The following AFF1 variants were observed in gnomAD, a reference collection of about 807,000 sequenced individuals.
The protein encoded by AFF1 is ALF transcription elongation factor 1.
AFF1 carries 48 observed loss-of-function variants against 121.7 expected under a neutral mutation model. The ratio of observed to expected loss-of-function variants is 0.39; its 90% CI spans 0.31 to 0.50. The LOEUF is 0.50. AFF1 is among the 20% of genes least tolerant of loss of function. The probability of loss-of-function intolerance (pLI) is 0.76; values close to 1 mark genes in which losing one functional copy is unlikely to be tolerated. For missense variants in AFF1, 1,523 were observed against 1,511.7 expected (o/e 1.01, Z -0.12); for synonymous variants, 613 against 563.0 (o/e 1.09, Z -1.26).
At chr4:87,058,765 G>A (rs1037994154) in intron 4 of AFF1, among the ~76,000 whole-genome samples, 6 of 152,060 alleles carry the variant, frequency 3.9e-5, no homozygotes, top group African/African-American at 1.4e-4. Flanking sequence ...AAAAGCTCTG[G>A]AGACAGAAGT....
At chr4:86,949,930 A>G in intron 2 of AFF1, 5 of 1,614,062 alleles carry the variant, frequency 3.1e-6, no homozygotes, top group Non-Finnish European at 4.2e-6. Flanking sequence ...TCTTGGACCC[A>G]GCGGGCCGCA....
At chr4:87,107,176 A>AC (rs1176347792) in intron 10 of AFF1, among the ~76,000 whole-genome samples, 1 of 152,192 alleles carries the variant, frequency 6.6e-6, no homozygotes, top group Non-Finnish European at 1.5e-5. Context: ...AGTTACCTCA[A>AC]CTAGTGATTT....
chr4:86,970,085 A>C (rs1722837019), intron 2 of AFF1, among the ~76,000 whole-genome samples: 1 of 152,006 alleles, frequency 6.6e-6, no homozygotes, highest in Non-Finnish European at 1.5e-5. Flanking sequence ...GGGGAATATA[A>C]TTATTTAGTT....
chr4:87,033,302 T>C (rs546252766), intron 2 of AFF1, among the ~76,000 whole-genome samples: 3 of 152,380 alleles, frequency 2.0e-5, no homozygotes, highest in African/African-American at 7.2e-5. Flanking sequence ...TTGCTGCTGG[T>C]TAGCAAGTCT....
intron 2 of AFF1, among the ~76,000 whole-genome samples, chr4:87,019,435 A>C (rs574354339): frequency 6.6e-6 from 1 of 152,356 alleles, no homozygotes; most frequent in African/African-American, 2.4e-5. Context: ...TTCCTGCCCC[A>C]TACTCTGGAG....
intron 2 of AFF1, among the ~76,000 whole-genome samples, chr4:86,982,848 CAAAAAAAAAAAAAAAAA>C (rs59568294): frequency 5.6e-5 from 3 of 53,804 alleles, no homozygotes; most frequent in Non-Finnish European, 1.0e-4. Flanking sequence ...ACTCTGTCTC[CAAAAAAAAAAAAAAAAA>C]AAAAAAAAAA....
At chr4:87,011,215 G>A (rs2149536936) in intron 2 of AFF1, among the ~76,000 whole-genome samples, 1 of 152,274 alleles carries the variant, frequency 6.6e-6, no homozygotes, top group South Asian at 2.1e-4. Flanking sequence ...GTTGAATCTG[G>A]TGGCTGAGCA....
intron 4 of AFF1, among the ~76,000 whole-genome samples, chr4:87,056,287 A>G (rs1442190982): frequency 6.6e-6 from 1 of 152,224 alleles, no homozygotes; most frequent in African/African-American, 2.4e-5. Flanking sequence ...AGAACTCTGA[A>G]AACTCATATT....
chr4:86,958,212 G>C (rs1168317100), intron 2 of AFF1, among the ~76,000 whole-genome samples: 1 of 149,050 alleles, frequency 6.7e-6, no homozygotes, highest in African/African-American at 2.5e-5. Context: ...TTCTGCCTCA[G>C]CCTCCCGAGT....
intron 2 of AFF1, among the ~76,000 whole-genome samples, chr4:87,043,183 A>G (rs111783258): frequency 3.3e-5 from 5 of 152,298 alleles, no homozygotes; most frequent in African/African-American, 1.2e-4. Context: ...GGCTGTGAAC[A>G]CTGACTGGCT....
chr4:87,013,291 C>T (rs149441129), intron 2 of AFF1, among the ~76,000 whole-genome samples: 2,322 of 152,088 alleles, frequency 0.015, 34 homozygotes, highest in Non-Finnish European at 0.024. Context: ...CCTCCCGCCT[C>T]GGCCTCCCAA....
At chr4:86,970,964 G>A (rs868277414) in intron 2 of AFF1, among the ~76,000 whole-genome samples, 4 of 152,164 alleles carry the variant, frequency 2.6e-5, no homozygotes, top group Non-Finnish European at 4.4e-5. Flanking sequence ...GGGCCTTGTC[G>A]GCCGTTGGAA....
intron 2 of AFF1, chr4:87,007,533 T>C: frequency 7.0e-7 from 1 of 1,420,020 alleles, no homozygotes; most frequent in Middle Eastern, 1.8e-4. Flanking sequence ...AGCAGCTTTG[T>C]CATTGCCTTC....
intron 2 of AFF1, among the ~76,000 whole-genome samples, chr4:86,993,342 C>T (rs1578917183): frequency 1.3e-5 from 2 of 152,214 alleles, no homozygotes; most frequent in Admixed American, 1.3e-4. Flanking sequence ...TTGTGGCTTG[C>T]CTATATATGT....
chr4:87,073,445 C>T (rs1722332466), intron 4 of AFF1, among the ~76,000 whole-genome samples: 1 of 152,120 alleles, frequency 6.6e-6, no homozygotes, highest in African/African-American at 2.4e-5. Context: ...ATTGCTTCCT[C>T]AGAGTATATA....
chr4:87,090,330 CCTTA>C (rs974060603), intron 6 of AFF1, among the ~76,000 whole-genome samples: 2 of 152,140 alleles, frequency 1.3e-5, no homozygotes, highest in African/African-American at 2.4e-5. Context: ...ATTTGAGGAT[CCTTA>C]CTTTAGAGAT....
At chr4:87,041,666 GAA>G (rs199904556) in intron 2 of AFF1, among the ~76,000 whole-genome samples, 1 of 145,108 alleles carries the variant, frequency 6.9e-6, no homozygotes, top group Non-Finnish European at 1.5e-5. Context: ...CACAGGACTG[GAA>G]AAAAAAAAAG....
chr4:87,110,998 A>ATTTTT (rs1263757983), intron 11 of AFF1, among the ~76,000 whole-genome samples: 6 of 81,076 alleles, frequency 7.4e-5, no homozygotes, highest in African/African-American at 2.8e-4. Flanking sequence ...CTTAAACTTT[A>ATTTTT]TTTTTTTTTT....
At chr4:87,103,290 C>T (rs1725609056) in intron 8 of AFF1, among the ~76,000 whole-genome samples, 1 of 152,216 alleles carries the variant, frequency 6.6e-6, no homozygotes, top group South Asian at 2.1e-4. Context: ...TTTGTGGTTA[C>T]TCTTGGCTGT....
Sources: allele counts gnomAD v4.1 joint callset (sites outside exome capture counted in the v4.1 genomes callset), GRCh38; gene constraint gnomAD v4.1.1; transcripts MANE v1.5; gene names NCBI Gene and HGNC (gene_info 2026-07-23, HGNC 2026-07-21).